The following ATAD2B variants were observed in gnomAD, a reference collection of about 807,000 sequenced individuals.
The protein encoded by ATAD2B is ATPase family AAA domain-containing protein 2B.
A neutral mutation model predicts 167.6 loss-of-function variants in ATAD2B; 40 were observed. The ratio of observed to expected loss-of-function variants is 0.24; its 90% confidence interval spans 0.19 to 0.31. The LOEUF is 0.31. Ranked by LOEUF, ATAD2B falls within the 10% of genes least tolerant of loss-of-function variation. The pLI is 1.00. For synonymous variants in ATAD2B, 579 were observed against 596.5 expected, an observed-to-expected ratio of 0.97 and a Z score of 0.43; for missense variants, 1,242 against 1,757.2, an observed-to-expected ratio of 0.71 and a Z score of 5.24.
chr2:23,891,518 C>A (rs1415916981), intron 2 of ATAD2B, among the ~76,000 whole-genome samples: 1 of 151,124 alleles, frequency 6.6e-6, no homozygotes, highest in African/African-American at 2.4e-5. Flanking sequence ...TTTGAGGGGA[C>A]AGAGCCTCAC....
the ATAD2B span, chr2:23,693,414 C>T: frequency 1.9e-6 from 3 of 1,551,754 alleles, no homozygotes; most frequent in East Asian, 2.4e-5. Context: ...TCAGCATCTC[C>T]AAGGACGACT....
At chr2:23,847,854 G>A (rs1184349475) in intron 13 of ATAD2B, among the ~76,000 whole-genome samples, 2 of 150,126 alleles carry the variant, frequency 1.3e-5, no homozygotes, top group African/African-American at 4.9e-5. Flanking sequence ...TTAGCCAGGC[G>A]TGGTGGCACG....
chr2:23,756,856 C>T (rs1304836113), intron 25 of ATAD2B, among the ~76,000 whole-genome samples: 23 of 152,106 alleles, frequency 1.5e-4, no homozygotes, highest in Admixed American at 6.5e-5. Flanking sequence ...TTAAAATACA[C>T]GACTTATTTA....
At chr2:23,862,970 G>T (rs1341398077) in intron 12 of ATAD2B, among the ~76,000 whole-genome samples, 1 of 152,160 alleles carries the variant, frequency 6.6e-6, no homozygotes, top group African/African-American at 2.4e-5. Flanking sequence ...TACAATCACA[G>T]ATTACTAATC....
At chr2:23,920,657 A>G (rs1474897235) in intron 1 of ATAD2B, among the ~76,000 whole-genome samples, 1 of 152,198 alleles carries the variant, frequency 6.6e-6, no homozygotes, top group African/African-American at 2.4e-5. Flanking sequence ...GAAAGACTTT[A>G]GCCAAAGGTA....
intron 24 of ATAD2B, among the ~76,000 whole-genome samples, 167 bp downstream of exon 24, chr2:23,762,042 A>G (rs1676811728): frequency 6.6e-6 from 1 of 152,198 alleles, no homozygotes; most frequent in South Asian, 2.1e-4. Context: ...AGTTAAAGAA[A>G]TATATTTCTG....
chr2:23,754,166 A>T lies in ATAD2B; in HGVS notation c.4335+13T>A. ...AAGTATTTGTTTATTCTACAGATAA[A>T]CTAAACACTTACCTCTACAAGTTGT... On this transcript the variant is annotated intron_variant, in intron 27 of 27. Transcript: ENST00000238789. The T allele has an allele frequency of 6.7e-7, 1 of 1,501,036 alleles. No homozygotes were observed. The highest frequency in any genetic ancestry group is 8.9e-7 in the Non-Finnish European group (1 of 1,128,178). 93.0% of individuals were successfully genotyped at this position (1,501,036 alleles called of 1,614,324 possible). A position where few individuals can be genotyped will look rare whatever the true frequency, so the allele number is the denominator to read the frequency against.
chr2:23,826,097 CAA>C (rs561650702), intron 15 of ATAD2B, among the ~76,000 whole-genome samples: 1 of 149,694 alleles, frequency 6.7e-6, no homozygotes, highest in Non-Finnish European at 1.5e-5. Context: ...GAAACTGAAA[CAA>C]AAAAAAACAG....
At chr2:23,834,104 TA>T in intron 13 of ATAD2B, 26 bp from the exon 14 acceptor site, 3 of 1,414,520 alleles carry the variant, frequency 2.1e-6, no homozygotes, top group Non-Finnish European at 2.8e-6. Context: ...CAGGCAAAAT[TA>T]AAAGAATTGT....
chr2:23,796,877 T>C (rs539138497), intron 19 of ATAD2B, among the ~76,000 whole-genome samples: 150 of 152,318 alleles, frequency 9.8e-4, no homozygotes, highest in African/African-American at 3.4e-3. Context: ...CGTTCAAGTA[T>C]TTATCTAAGA....
the ATAD2B span, chr2:23,693,151 T>G: frequency 8.7e-7 from 1 of 1,144,934 alleles, no homozygotes; most frequent in South Asian, 1.6e-5. Flanking sequence ...CTCTGGACAC[T>G]GCAGTCAGGG....
chr2:23,787,738 A>G (rs1363195483), intron 20 of ATAD2B, among the ~76,000 whole-genome samples: 1 of 152,090 alleles, frequency 6.6e-6, no homozygotes, highest in Non-Finnish European at 1.5e-5. Flanking sequence ...AAGATGGAAC[A>G]AGGGTAAAGA....
chr2:23,802,377 T>C (rs1027787993), intron 18 of ATAD2B, among the ~76,000 whole-genome samples: 1 of 152,030 alleles, frequency 6.6e-6, no homozygotes, highest in Non-Finnish European at 1.5e-5. Context: ...GAATCTCTTG[T>C]GAAAAGAAGG....
At chr2:23,901,358 CT>C (rs796980137) in intron 1 of ATAD2B, among the ~76,000 whole-genome samples, 138 of 141,430 alleles carry the variant, frequency 9.8e-4, no homozygotes, top group East Asian at 3.4e-3. Flanking sequence ...TCTCAGGACC[CT>C]TTTTTTTTTT....
intron 8 of ATAD2B, among the ~76,000 whole-genome samples, chr2:23,874,236 C>T (rs1696455547): frequency 6.7e-6 from 1 of 150,030 alleles, no homozygotes; most frequent in African/African-American, 2.4e-5. Flanking sequence ...CAAAACTATA[C>T]AAAACAAACT....
rs2149309510 is a variant in ATAD2B, at chr2:23,757,961, A to T, written c.3535T>A (p.Leu1179Ile). 6.2e-7 allele frequency: 1 copy of T among 1,613,606 alleles called. No homozygotes were observed. The highest frequency in any genetic ancestry group is 1.3e-5 in the African/African-American group (1 of 75,000). Residue 1179 changes from leucine to isoleucine, a missense_variant, in exon 25 of 28, where the codon TTA (leucine) becomes ATA (isoleucine). Transcript: ENST00000238789. Reference protein sequence around the residue: ...YENHTEDRKLLENGEFEVSTD... With the variant: ...YENHTEDRKLIENGEFEVSTD... ...CTTACCTCAAACTCTCCATTCTCTAATAATTTCCTGTCCTCCGTATGGTTC... is the reference window on the plus strand; with the variant it reads ...CTTACCTCAAACTCTCCATTCTCTATTAATTTCCTGTCCTCCGTATGGTTC...
chr2:23,788,550 T>C lies in ATAD2B; in HGVS notation c.2738A>G (p.Asn913Ser), dbSNP rs749054815. ...RRKFFQELIL[N>S]QASMAPPRRK... ...TCGTGGTGGAGCCATTGATGCCTGA[T>C]TGAGAATCAATTCTTGAAAAAATTT... Residue 913 changes from asparagine (N) to serine (S), a missense_variant, in exon 20 of 28, where the codon AAT becomes AGT. This residue lies in a region of ATAD2B where 204 missense variants were observed against 324.0 expected (regional missense o/e 0.63). Transcript: ENST00000238789. The C allele has an allele frequency of 1.2e-6, 2 of 1,613,366 alleles. No homozygotes were observed. The highest frequency in any genetic ancestry group is 1.7e-6 in the Non-Finnish European group (2 of 1,179,402).
chr2:23,879,586 G>A (rs545324031), intron 7 of ATAD2B, among the ~76,000 whole-genome samples: 1 of 152,238 alleles, frequency 6.6e-6, no homozygotes, highest in Non-Finnish European at 1.5e-5. Context: ...CCATTACACT[G>A]CACCATGAAC....
At chr2:23,896,220 G>A (rs775114424) in intron 1 of ATAD2B, among the ~76,000 whole-genome samples, 49 of 151,542 alleles carry the variant, frequency 3.2e-4, no homozygotes, top group Middle Eastern at 3.4e-3. Context: ...ACTTGCTTGG[G>A]AGGCTGAAGC....
Sources: allele counts gnomAD v4.1 joint callset (sites outside exome capture counted in the v4.1 genomes callset), GRCh38; gene constraint gnomAD v4.1.1; regional missense constraint gnomAD v4.1.1; transcripts MANE v1.5; gene names NCBI Gene and HGNC (gene_info 2026-07-23, HGNC 2026-07-21).